The following SPIRE1 variants were observed in gnomAD, a reference collection of about 807,000 sequenced individuals.
SPIRE1 encodes the protein spire type actin nucleation factor 1.
Under a neutral mutation model 94.1 loss-of-function variants are expected in SPIRE1, and 40 were observed. The ratio of observed to expected loss-of-function variants is 0.43; its 90% CI spans 0.33 to 0.55. The LOEUF is 0.55. SPIRE1 is among the 20% of genes least tolerant of loss of function. The probability of loss-of-function intolerance (pLI) is 0.06; values close to 1 mark genes in which losing one functional copy is unlikely to be tolerated. For synonymous variants in SPIRE1, 376 were observed against 371.7 expected (o/e 1.01, Z -0.13); for missense variants, 838 against 975.2 (o/e 0.86, Z 1.87).
chr18:12,464,901 C>T lies in SPIRE1; in HGVS notation c.1462G>A (p.Glu488Lys). 6.2e-7 allele frequency: 1 copy of T among 1,614,084 alleles called. No individual in the cohort carries two copies. Among genetic ancestry groups the T allele is most frequent in the East Asian group, 2.2e-5 (1 of 44,878 alleles). Residue 488 changes from glutamate to lysine, a missense_variant, in exon 11 of 17, where the codon GAG becomes AAG. Coordinates refer to ENST00000409402, the MANE Select transcript of SPIRE1 (RefSeq NM_001128626.2). ...GTGGACACGGCCTCCAGGACTGGCT[C>T]TTCAGGGAAAGAGGGAGACACGCTG... Reference protein sequence around the residue: ...SSSVSPSFPEEPVLEAVSTRK... With the variant: ...SSSVSPSFPEKPVLEAVSTRK...
chr18:12,467,780 T>C (rs1437971580), intron 10 of SPIRE1, among the ~76,000 whole-genome samples: 1 of 152,104 alleles, frequency 6.6e-6, no homozygotes, highest in Non-Finnish European at 1.5e-5. Context: ...AGAAACTCTG[T>C]CTCTACTAAA....
At chr18:12,525,193 C>T (rs1301352902) in intron 4 of SPIRE1, among the ~76,000 whole-genome samples, 4 of 142,828 alleles carry the variant, frequency 2.8e-5, no homozygotes, top group African/African-American at 1.0e-4. Flanking sequence ...AGGAGAATGG[C>T]GTGAACCCGG....
chr18:12,651,414 C>T (rs561408169), intron 1 of SPIRE1, among the ~76,000 whole-genome samples: 155 of 152,108 alleles, frequency 1.0e-3, no homozygotes, highest in African/African-American at 3.6e-3. Flanking sequence ...CGGTGGCTCA[C>T]GCCTGTAATC....
chr18:12,616,706 T>C (rs1567969510), intron 2 of SPIRE1, among the ~76,000 whole-genome samples: 2 of 152,152 alleles, frequency 1.3e-5, no homozygotes, highest in Non-Finnish European at 2.9e-5. Flanking sequence ...AATTCATAAA[T>C]TACAGGAAGA....
intron 2 of SPIRE1, among the ~76,000 whole-genome samples, chr18:12,631,574 A>AC (rs2037781679): frequency 7.0e-6 from 1 of 143,736 alleles, no homozygotes; most frequent in Non-Finnish European, 1.5e-5. Context: ...AAAAAAAAAA[A>AC]ACATAAAAAT....
chr18:12,601,220 C>A (rs1309192572), intron 2 of SPIRE1, among the ~76,000 whole-genome samples: 2 of 151,622 alleles, frequency 1.3e-5, no homozygotes, highest in African/African-American at 2.4e-5. Flanking sequence ...TCGAGACCAG[C>A]CCAGCCAACA....
At chr18:12,649,053 G>A (rs1444572759) in intron 1 of SPIRE1, among the ~76,000 whole-genome samples, 2 of 152,098 alleles carry the variant, frequency 1.3e-5, no homozygotes, top group African/African-American at 2.4e-5. Flanking sequence ...GGAACTGGGT[G>A]AGGGGCAAAT....
At chr18:12,521,037 AT>A (rs2034343234) in intron 4 of SPIRE1, among the ~76,000 whole-genome samples, 1 of 152,130 alleles carries the variant, frequency 6.6e-6, no homozygotes, top group Non-Finnish European at 1.5e-5. Flanking sequence ...CTTACATTTG[AT>A]TTTTCAACCA....
intron 2 of SPIRE1, among the ~76,000 whole-genome samples, chr18:12,626,060 GA>G (rs146832200): frequency 0.11 from 15,934 of 143,460 alleles, 1,241 homozygotes; most frequent in South Asian, 0.33. Flanking sequence ...CCAAAAAAAG[GA>G]AATACAAATC....
At chr18:12,486,026 A>G (rs748759775) in intron 8 of SPIRE1, 26 bp from the exon 9 acceptor site, 6 of 1,511,942 alleles carry the variant, frequency 4.0e-6, no homozygotes, top group East Asian at 2.5e-5. Flanking sequence ...CAAACAATAA[A>G]AAGAAAATAA....
chr18:12,485,915 C>G, intron 9 of SPIRE1, 44 bp downstream of exon 9: 1 of 1,457,324 alleles, frequency 6.9e-7, no homozygotes, highest in Non-Finnish European at 9.3e-7. Context: ...TCACAGAAAC[C>G]ACAAAACCCA....
At chr18:12,648,454 T>C (rs570776623) in intron 1 of SPIRE1, among the ~76,000 whole-genome samples, 1 of 152,116 alleles carries the variant, frequency 6.6e-6, no homozygotes, top group South Asian at 2.1e-4. Context: ...CAAGTCCAAA[T>C]GGAGGGACAT....
At chr18:12,628,815 T>C (rs997920829) in intron 2 of SPIRE1, among the ~76,000 whole-genome samples, 3 of 152,122 alleles carry the variant, frequency 2.0e-5, no homozygotes, top group Non-Finnish European at 2.9e-5. Context: ...TGTAGCAATA[T>C]GAATGGGAGT....
intron 2 of SPIRE1, among the ~76,000 whole-genome samples, chr18:12,614,863 T>C (rs1567968312): frequency 6.6e-6 from 1 of 151,448 alleles, no homozygotes; most frequent in Non-Finnish European, 1.5e-5. Context: ...CTGTATTACT[T>C]TAAAATTTTA....
intron 1 of SPIRE1, among the ~76,000 whole-genome samples, chr18:12,655,794 T>TG (rs1247585790): frequency 6.6e-6 from 1 of 152,192 alleles, no homozygotes; most frequent in African/African-American, 2.4e-5. Context: ...CAATGTAAAC[T>TG]GGGGGCTTGT....
At chr18:12,471,494 T>C (rs926727714) in intron 10 of SPIRE1, among the ~76,000 whole-genome samples, 2 of 152,220 alleles carry the variant, frequency 1.3e-5, no homozygotes, top group Admixed American at 1.3e-4. Flanking sequence ...TAGCTAATTT[T>C]TGTATTTTTA....
intron 4 of SPIRE1, among the ~76,000 whole-genome samples, chr18:12,515,507 A>G (rs148778976): frequency 6.6e-6 from 1 of 152,168 alleles, no homozygotes. Flanking sequence ...ACAGAGAGAA[A>G]CCCTGTCTCA....
chr18:12,496,931 G>T (rs577670152), intron 6 of SPIRE1, among the ~76,000 whole-genome samples: 2 of 152,154 alleles, frequency 1.3e-5, no homozygotes, highest in South Asian at 4.2e-4. Flanking sequence ...AGCCAGGCAT[G>T]GCAGCAGGCG....
intron 12 of SPIRE1, chr18:12,459,683 G>C (rs528160878): frequency 1.4e-5 from 12 of 883,428 alleles, no homozygotes; most frequent in South Asian, 5.2e-5. Context: ...CTCAGAGAAC[G>C]CAACAGTTGA....
Sources: gnomAD v4.1 joint callset for allele counts (sites outside exome capture counted in the v4.1 genomes callset) on GRCh38, gnomAD v4.1.1 for gene constraint, MANE v1.5 for transcripts, NCBI Gene and HGNC (gene_info 2026-07-23, HGNC 2026-07-21) for gene names.